The following ARL15 variants were observed in gnomAD, a reference collection of about 807,000 sequenced individuals.
ARL15 encodes ADP-ribosylation factor-like protein 15.
A neutral mutation model predicts 25.2 loss-of-function variants in ARL15; 19 were observed. The observed-to-expected ratio is 0.75, with a 90% CI of 0.53 to 1.10. The LOEUF is 1.10. Ranked by LOEUF, ARL15 falls within the 50% of genes least tolerant of loss-of-function variation. ARL15 has a pLI of 0.00. For synonymous variants in ARL15, 94 were observed against 86.8 expected (o/e 1.08, Z -0.46); for missense variants, 220 against 246.0 (o/e 0.89, Z 0.71).
chr5:53,951,393 G>C, intron 4 of ARL15: 1 of 422,660 alleles, frequency 2.4e-6, no homozygotes, highest in Non-Finnish European at 4.9e-6. Context: ...CATATACTTT[G>C]GATGTTGCAG....
chr5:54,250,312 C>T (rs67553857), intron 1 of ARL15, among the ~76,000 whole-genome samples: 15,953 of 152,128 alleles, frequency 0.1, 1,144 homozygotes, highest in East Asian at 0.41. Context: ...ACCTTCAACA[C>T]GAGGAACCAC....
chr5:54,047,481 A>G (rs1277407977), intron 4 of ARL15, among the ~76,000 whole-genome samples: 1 of 152,164 alleles, frequency 6.6e-6, no homozygotes, highest in African/African-American at 2.4e-5. Flanking sequence ...CCACAGCAGA[A>G]AAAGAGACAA....
intron 3 of ARL15, among the ~76,000 whole-genome samples, chr5:54,120,006 T>C (rs991326799): frequency 6.6e-6 from 1 of 152,212 alleles, no homozygotes; most frequent in Non-Finnish European, 1.5e-5. Flanking sequence ...AAGAACCATA[T>C]GGGAGTTTTG....
At chr5:54,069,573 A>C (rs890071489) in intron 4 of ARL15, among the ~76,000 whole-genome samples, 1 of 151,124 alleles carries the variant, frequency 6.6e-6, no homozygotes, top group Admixed American at 6.6e-5. Context: ...AAAAAAAAAA[A>C]AAAAAAAAAA....
At chr5:53,928,591 A>G (rs992759993) in intron 4 of ARL15, among the ~76,000 whole-genome samples, 1 of 152,206 alleles carries the variant, frequency 6.6e-6, no homozygotes, top group African/African-American at 2.4e-5. Context: ...TACAAATTAT[A>G]TTGATATCCA....
intron 4 of ARL15, among the ~76,000 whole-genome samples, chr5:53,985,182 C>T (rs1402197227): frequency 2.6e-5 from 4 of 152,116 alleles, no homozygotes; most frequent in Non-Finnish European, 4.4e-5. Context: ...TTCCACCACT[C>T]CCCTCCTCCA....
intron 2 of ARL15, among the ~76,000 whole-genome samples, chr5:54,166,678 G>A (rs913805889): frequency 6.6e-6 from 1 of 152,078 alleles, no homozygotes; most frequent in African/African-American, 2.4e-5. Context: ...CCCATAGCTC[G>A]CTGGATGCTC....
At chr5:53,940,231 C>T (rs1472619276) in intron 4 of ARL15, among the ~76,000 whole-genome samples, 6 of 152,052 alleles carry the variant, frequency 3.9e-5, no homozygotes, top group Admixed American at 3.9e-4. Context: ...CCTTGGCCTC[C>T]CAAAGTGCTG....
chr5:54,141,556 C>A (rs1321655152), intron 3 of ARL15, among the ~76,000 whole-genome samples: 4 of 152,118 alleles, frequency 2.6e-5, no homozygotes, highest in Non-Finnish European at 5.9e-5. Context: ...ATAACTGACA[C>A]ACAATAAACT....
At chr5:53,952,186 C>G (rs531203553) in intron 4 of ARL15, among the ~76,000 whole-genome samples, 10 of 151,970 alleles carry the variant, frequency 6.6e-5, no homozygotes, top group Non-Finnish European at 1.0e-4. Context: ...TGCTTGAACC[C>G]GGGAGGCAGA....
chr5:54,176,358 TG>T (rs1395761692), intron 1 of ARL15, among the ~76,000 whole-genome samples: 1 of 152,198 alleles, frequency 6.6e-6, no homozygotes, highest in East Asian at 1.9e-4. Flanking sequence ...CTACTTCCAA[TG>T]GGGAAGGAAT....
At chr5:53,952,463 T>C (rs1266190372) in intron 4 of ARL15, among the ~76,000 whole-genome samples, 2 of 152,184 alleles carry the variant, frequency 1.3e-5, no homozygotes, top group Non-Finnish European at 2.9e-5. Context: ...GCCACAAAAG[T>C]AATTTTTAGC....
In ARL15 at chr5:54,272,107, C is replaced by CTTTTTTTTTTTT. The variant is rs34592464; in HGVS notation, c.48+38313_48+38324dup. Among the ~76,000 whole-genome samples the CTTTTTTTTTTTT allele has an allele frequency of 2.7e-4, 10 of 36,790 alleles. 3 individuals are homozygous for CTTTTTTTTTTTT. Among genetic ancestry groups the CTTTTTTTTTTTT allele is most frequent in the Non-Finnish European group, 4.4e-4 (8 of 18,018 alleles). 24.1% of individuals were successfully genotyped at this position (36,790 alleles called of 152,430 possible). A position where few individuals can be genotyped will look rare whatever the true frequency, so the allele number is the denominator to read the frequency against. On this transcript the variant is annotated intron_variant, in intron 1 of 4. Transcript: ENST00000504924. ...TATAGGTGTGTGCCACCACTCCTGG[C>CTTTTTTTTTTTT]TTTTTTTTTTTTTTTTTTTTTTTTT... is the stretch of plus-strand genomic sequence containing the variant.
intron 4 of ARL15, among the ~76,000 whole-genome samples, chr5:53,941,607 G>C (rs1313115976): frequency 6.6e-6 from 1 of 152,170 alleles, no homozygotes; most frequent in Non-Finnish European, 1.5e-5. Flanking sequence ...CAGTGGCTCT[G>C]GCAGAATGAA....
At chr5:54,103,440 A>G (rs1752500907) in intron 4 of ARL15, among the ~76,000 whole-genome samples, 1 of 152,154 alleles carries the variant, frequency 6.6e-6, no homozygotes, top group Admixed American at 6.5e-5. Flanking sequence ...CAATCCTCGA[A>G]GTGGTAATGT....
intron 1 of ARL15, among the ~76,000 whole-genome samples, chr5:54,245,498 T>C (rs1757064585): frequency 6.6e-6 from 1 of 152,180 alleles, no homozygotes; most frequent in Admixed American, 6.5e-5. Flanking sequence ...TACCAGCTGG[T>C]GCTACTGCTG....
At chr5:53,932,663 C>T (rs1470191042) in intron 4 of ARL15, among the ~76,000 whole-genome samples, 1 of 152,148 alleles carries the variant, frequency 6.6e-6, no homozygotes, top group Non-Finnish European at 1.5e-5. Flanking sequence ...CAGGATAAAG[C>T]CAATGTTTGT....
intron 4 of ARL15, among the ~76,000 whole-genome samples, chr5:54,024,665 T>C (rs1291192536): frequency 1.3e-5 from 2 of 152,170 alleles, no homozygotes; most frequent in African/African-American, 4.8e-5. Flanking sequence ...CACATAACCC[T>C]ATTTCCTCAT....
chr5:54,181,025 G>A (rs1019528585), intron 1 of ARL15, among the ~76,000 whole-genome samples: 1 of 152,160 alleles, frequency 6.6e-6, no homozygotes, highest in Non-Finnish European at 1.5e-5. Context: ...TCGGTATGTG[G>A]AATTCAAGAT....
Sources: gnomAD v4.1 joint callset for allele counts (sites outside exome capture counted in the v4.1 genomes callset) on GRCh38, gnomAD v4.1.1 for gene constraint, MANE v1.5 for transcripts, NCBI Gene and HGNC (gene_info 2026-07-23, HGNC 2026-07-21) for gene names.